RSPO2: variants seen among roughly 807,000 people sequenced by gnomAD.
RSPO2 encodes R-spondin-2.
In RSPO2, 14 loss-of-function variants were observed where a neutral mutation model predicts 30.9. The ratio of observed to expected loss-of-function variants is 0.45; its 90% CI spans 0.30 to 0.71. The LOEUF (loss-of-function observed/expected upper bound fraction) is 0.71. RSPO2 is among the 30% of genes least tolerant of loss of function. The pLI, the probability that RSPO2 is intolerant of heterozygous loss-of-function variation, is 0.08. For synonymous variants in RSPO2, 107 were observed against 96.4 expected, an observed-to-expected ratio of 1.11 and a Z score of -0.64; for missense variants, 264 against 301.9, an observed-to-expected ratio of 0.87 and a Z score of 0.93.
intron 2 of RSPO2, among the ~76,000 whole-genome samples, chr8:108,001,827 G>A (rs192046537): frequency 1.1e-4 from 16 of 152,210 alleles, no homozygotes; most frequent in Non-Finnish European, 8.8e-5. Flanking sequence ...TGTGTGTGTT[G>A]AACAAGGAAA....
chr8:108,036,636 G>A (rs763812772), intron 2 of RSPO2, among the ~76,000 whole-genome samples: 36 of 152,252 alleles, frequency 2.4e-4, no homozygotes, highest in Middle Eastern at 3.4e-3. Context: ...TCATTTTCTT[G>A]CATTTCACTT....
chr8:107,955,461 A>C (rs935375291), intron 5 of RSPO2, among the ~76,000 whole-genome samples: 2 of 152,184 alleles, frequency 1.3e-5, no homozygotes, highest in Non-Finnish European at 2.9e-5. Flanking sequence ...GCTATCAAAA[A>C]TGAAAAAACA....
At chr8:107,901,970 T>G (rs939588434) in intron 5 of RSPO2, among the ~76,000 whole-genome samples, 3 of 152,222 alleles carry the variant, frequency 2.0e-5, no homozygotes, top group African/African-American at 2.4e-5. Flanking sequence ...AAATGCTGTT[T>G]TTTTCTTTGC....
intron 2 of RSPO2, among the ~76,000 whole-genome samples, chr8:108,075,892 C>T (rs140797994): frequency 6.6e-6 from 1 of 152,156 alleles, no homozygotes; most frequent in East Asian, 1.9e-4. Flanking sequence ...GGAGAAAGCA[C>T]TCTAAAAGGT....
At chr8:108,017,346 G>A (rs555472263) in intron 2 of RSPO2, among the ~76,000 whole-genome samples, 1 of 151,934 alleles carries the variant, frequency 6.6e-6, no homozygotes, top group African/African-American at 2.4e-5. Context: ...TGCAAGAATG[G>A]CCTAATACAA....
chr8:108,033,404 A>G (rs1022366966), intron 2 of RSPO2, among the ~76,000 whole-genome samples: 12 of 152,178 alleles, frequency 7.9e-5, no homozygotes, highest in Non-Finnish European at 5.9e-5. Flanking sequence ...CTGGCCTCTC[A>G]GATTCTACCT....
At chr8:107,999,507 T>C (rs1292670489) in intron 2 of RSPO2, among the ~76,000 whole-genome samples, 1 of 152,206 alleles carries the variant, frequency 6.6e-6, no homozygotes, top group African/African-American at 2.4e-5. Flanking sequence ...CTATGTTGGC[T>C]CACTGCAACC....
intron 5 of RSPO2, among the ~76,000 whole-genome samples, chr8:107,921,980 C>T (rs980649614): frequency 6.6e-6 from 1 of 152,120 alleles, no homozygotes; most frequent in African/African-American, 2.4e-5. Flanking sequence ...TATGACAAAT[C>T]CACAGCCAAT....
intron 2 of RSPO2, among the ~76,000 whole-genome samples, chr8:108,015,574 T>A (rs1243775455): frequency 6.6e-6 from 1 of 151,938 alleles, no homozygotes; most frequent in Admixed American, 6.6e-5. Context: ...TTAGCCAGAA[T>A]CCCCCATCCT....
intron 2 of RSPO2, among the ~76,000 whole-genome samples, chr8:108,059,812 T>C (rs899022437): frequency 3.1e-5 from 4 of 128,300 alleles, no homozygotes; most frequent in African/African-American, 1.2e-4. Context: ...TGAGAACACA[T>C]GGACACAGGA....
Position 108,067,928 on chromosome 8 carries a change from G to A in RSPO2, c.94+14617C>T, listed in dbSNP as rs1812724178. ...TACTAAAAATACAAAAATTAGCCAG[G>A]TGTGGTGGCACATACCTGTAGTCCC... On this transcript the variant is annotated intron_variant, in intron 2 of 5. Transcript: ENST00000276659. 2.0e-5 allele frequency among the ~76,000 whole-genome samples: 3 copies of A among 152,240 alleles called. No individual in the cohort carries two copies. In the South Asian group the frequency reaches 6.2e-4, roughly 32 times the overall value.
intron 2 of RSPO2, among the ~76,000 whole-genome samples, chr8:108,064,804 A>G (rs1464510368): frequency 6.6e-6 from 1 of 152,230 alleles, no homozygotes; most frequent in Non-Finnish European, 1.5e-5. Flanking sequence ...CTGGATTAAG[A>G]AAATGTGGCA....
chr8:107,968,191 C>G (rs1386059236), intron 3 of RSPO2, among the ~76,000 whole-genome samples: 1 of 152,032 alleles, frequency 6.6e-6, no homozygotes, highest in Non-Finnish European at 1.5e-5. Flanking sequence ...TGGAATTAAC[C>G]TGAGTGCCCA....
intron 5 of RSPO2, among the ~76,000 whole-genome samples, chr8:107,904,791 C>T (rs1025327216): frequency 6.6e-6 from 1 of 151,886 alleles, no homozygotes; most frequent in Admixed American, 6.6e-5. Flanking sequence ...AGTTGTGGCC[C>T]TAGGATGAAA....
chr8:108,007,694 C>A (rs866880900), intron 2 of RSPO2, among the ~76,000 whole-genome samples: 3 of 152,112 alleles, frequency 2.0e-5, no homozygotes, highest in Admixed American at 6.5e-5. Context: ...ATTCATAGTA[C>A]CCCCAAGAAC....
intron 2 of RSPO2, among the ~76,000 whole-genome samples, chr8:108,023,886 A>G (rs1209370200): frequency 1.3e-5 from 2 of 152,158 alleles, no homozygotes; most frequent in Admixed American, 6.6e-5. Context: ...TTGTGTCTCA[A>G]TTACAGCTAT....
intron 2 of RSPO2, among the ~76,000 whole-genome samples, chr8:108,031,525 T>C (rs1423453911): frequency 3.9e-5 from 6 of 152,198 alleles, no homozygotes; most frequent in African/African-American, 1.4e-4. Flanking sequence ...TTGCAAAAGC[T>C]CTTTCAAGAT....
chr8:108,082,601 A>T lies in RSPO2; in HGVS notation c.38T>A (p.Leu13Gln). The stretch of plus-strand genomic sequence containing the variant: ...GCAGTGGCTGTAATCCATGCAGTTC[A>T]GAATGATGAGGGCAAAGGAGAAAAG... ...FRLFSFALIILNCMDYSHCQG... is the reference protein window; with the variant it reads ...FRLFSFALIIQNCMDYSHCQG... The change falls in exon 2 of 6, where the codon CTG becomes CAG. Residue 13 changes from leucine (L) to glutamine (Q), a missense_variant. Leu to Gln is a moderately radical substitution (Grantham distance 113). Coordinates refer to ENST00000276659, the MANE Select transcript of RSPO2 (RefSeq NM_178565.5). 2 of 1,614,176 alleles carry T rather than the reference A, an allele frequency of 1.2e-6. No homozygotes were observed. The highest frequency in any genetic ancestry group is 8.5e-7 in the Non-Finnish European group (1 of 1,180,024).
intron 2 of RSPO2, among the ~76,000 whole-genome samples, chr8:108,019,811 G>C (rs1010049541): frequency 6.6e-6 from 1 of 152,042 alleles, no homozygotes; most frequent in Non-Finnish European, 1.5e-5. Context: ...GGGATATGAT[G>C]GTTTTTTCCA....
Sources: gnomAD v4.1 joint callset for allele counts (sites outside exome capture counted in the v4.1 genomes callset) on GRCh38, gnomAD v4.1.1 for gene constraint, MANE v1.5 for transcripts, NCBI Gene and HGNC (gene_info 2026-07-23, HGNC 2026-07-21) for gene names.